The following COL25A1 variants were observed in gnomAD, a reference collection of about 807,000 sequenced individuals.
COL25A1 encodes the protein collagen type XXV alpha 1 chain, also known as collagen alpha-1(XXV) chain.
In COL25A1, 103 loss-of-function variants were observed where a neutral mutation model predicts 128.4. The ratio of observed to expected loss-of-function variants is 0.80; its 90% CI spans 0.68 to 0.94. The LOEUF is 0.94. Ranked by LOEUF, COL25A1 falls within the 40% of genes least tolerant of loss-of-function variation. The pLI, the probability that COL25A1 is intolerant of heterozygous loss-of-function variation, is 0.00. For missense variants in COL25A1, 745 were observed against 840.0 expected, an observed-to-expected ratio of 0.89 and a Z score of 1.40; for synonymous variants, 279 against 277.2, an observed-to-expected ratio of 1.01 and a Z score of -0.06.
intron 3 of COL25A1, among the ~76,000 whole-genome samples, chr4:109,116,507 G>A (rs551141970): frequency 6.6e-6 from 1 of 152,024 alleles, no homozygotes; most frequent in South Asian, 2.1e-4. Context: ...CCTAATCATA[G>A]AATTGTAGAA....
At chr4:109,127,830 G>T (rs1474746080) in intron 3 of COL25A1, among the ~76,000 whole-genome samples, 1 of 152,170 alleles carries the variant, frequency 6.6e-6, no homozygotes, top group Non-Finnish European at 1.5e-5. Flanking sequence ...AGAAAAAAGA[G>T]GAGGCACAGC....
chr4:108,827,048 T>G (rs1732475210), intron 33 of COL25A1, 87 bp downstream of exon 33: 1 of 1,118,978 alleles, frequency 8.9e-7, no homozygotes. Flanking sequence ...AACATTAGTC[T>G]GCCCCACAAG....
intron 8 of COL25A1, among the ~76,000 whole-genome samples, chr4:108,951,339 T>A (rs1749400535): frequency 6.6e-6 from 1 of 151,660 alleles, no homozygotes; most frequent in Non-Finnish European, 1.5e-5. Context: ...AGTTCCAAAA[T>A]CCAAAGTCTC....
intron 3 of COL25A1, among the ~76,000 whole-genome samples, chr4:109,277,916 A>G (rs9998062): frequency 0.13 from 19,059 of 152,114 alleles, 1,447 homozygotes; most frequent in East Asian, 0.3. Context: ...CAGGTGGATC[A>G]CCAGGTCAGG....
At chr4:109,006,981 G>T (rs931371045) in intron 6 of COL25A1, among the ~76,000 whole-genome samples, 5 of 152,060 alleles carry the variant, frequency 3.3e-5, no homozygotes, top group African/African-American at 1.2e-4. Context: ...GTGATCAGAC[G>T]ATCTGTGCTG....
At chr4:109,032,032 C>G (rs1038338473) in intron 5 of COL25A1, among the ~76,000 whole-genome samples, 1 of 152,158 alleles carries the variant, frequency 6.6e-6, no homozygotes, top group Non-Finnish European at 1.5e-5. Flanking sequence ...GCTCCTTGAA[C>G]AGCTAACACT....
At chr4:109,012,368 T>A (rs1303274858) in intron 5 of COL25A1, among the ~76,000 whole-genome samples, 6 of 152,058 alleles carry the variant, frequency 3.9e-5, no homozygotes, top group African/African-American at 1.4e-4. Context: ...GCGTTCGCTC[T>A]GGCTACGCTT....
intron 6 of COL25A1, among the ~76,000 whole-genome samples, chr4:108,996,927 A>G (rs1209003680): frequency 6.6e-6 from 1 of 152,220 alleles, no homozygotes; most frequent in East Asian, 1.9e-4. Flanking sequence ...TTTGAAACCA[A>G]TGAGAACAAA....
chr4:109,254,012 A>C (rs544173393), intron 3 of COL25A1, among the ~76,000 whole-genome samples: 34 of 151,554 alleles, frequency 2.2e-4, no homozygotes, highest in African/African-American at 7.7e-4. Flanking sequence ...GCGCGAACCC[A>C]GGAGGCAGAG....
At chr4:109,000,288 TTGAGA>T (rs1025605178) in intron 6 of COL25A1, among the ~76,000 whole-genome samples, 18 of 152,326 alleles carry the variant, frequency 1.2e-4, no homozygotes, top group African/African-American at 4.1e-4. Context: ...CCTCACACTG[TTGAGA>T]TAAGACATAA....
At chr4:108,842,005 G>A (rs1489360642) in intron 30 of COL25A1, among the ~76,000 whole-genome samples, 1 of 152,102 alleles carries the variant, frequency 6.6e-6, no homozygotes, top group East Asian at 1.9e-4. Context: ...AGGAAAAAGA[G>A]GTATTCTGAA....
chr4:109,290,775 A>G (rs1234822388), intron 3 of COL25A1, among the ~76,000 whole-genome samples: 2 of 152,100 alleles, frequency 1.3e-5, no homozygotes, highest in African/African-American at 4.8e-5. Context: ...AAAAATTGCA[A>G]AAAGACTCAT....
Position 109,301,845 on chromosome 4 carries a change from G to A in COL25A1, c.175C>T (p.Leu59Phe). ...TCGAGAGCGGCGATCCTCGCCTGGA[G>A]GTCGTTGGTTTTCACACCCAGGTAC... Reference protein sequence around the residue: ...CLYLGVKTNDLQARIAALESA... With the variant: ...CLYLGVKTNDFQARIAALESA... The change falls in exon 2 of 38, where the codon CTC (leucine) becomes TTC (phenylalanine). Residue 59 changes from leucine to phenylalanine, a missense_variant. By Grantham distance (22) the Leu-to-Phe change is conservative (BLOSUM62 0). This residue lies in a region of COL25A1 where 319 missense variants were observed against 324.9 expected (regional missense o/e 0.98). Transcript: ENST00000399132. 1.9e-6 allele frequency: 3 copies of A among 1,614,250 alleles called. No homozygotes were observed.
intron 31 of COL25A1, among the ~76,000 whole-genome samples, chr4:108,840,792 G>A (rs1013062559): frequency 5.3e-5 from 8 of 152,188 alleles, no homozygotes; most frequent in African/African-American, 1.9e-4. Context: ...GTATCACATA[G>A]CAACAATAAC....
intron 13 of COL25A1, among the ~76,000 whole-genome samples, chr4:108,901,939 A>C (rs1026035663): frequency 6.6e-6 from 1 of 152,042 alleles, no homozygotes; most frequent in African/African-American, 2.4e-5. Context: ...TTGGGCCTTT[A>C]TGCTTCCATG....
intron 5 of COL25A1, among the ~76,000 whole-genome samples, chr4:109,046,140 G>T (rs1760406035): frequency 6.6e-6 from 1 of 152,154 alleles, no homozygotes; most frequent in African/African-American, 2.4e-5. Flanking sequence ...ACCTCTATGA[G>T]CCTCAGTTTC....
intron 3 of COL25A1, among the ~76,000 whole-genome samples, chr4:109,072,809 G>A (rs1188653491): frequency 6.6e-6 from 1 of 152,152 alleles, no homozygotes; most frequent in Admixed American, 6.5e-5. Context: ...CAGCTGCCAA[G>A]CTATTCCTTG....
At chr4:109,176,580 C>T (rs1022512015) in intron 3 of COL25A1, among the ~76,000 whole-genome samples, 1 of 152,036 alleles carries the variant, frequency 6.6e-6, no homozygotes, top group South Asian at 2.1e-4. Context: ...TTAAGATAAC[C>T]TAAGGGTGGT....
chr4:108,845,556 C>G (rs370882337), intron 28 of COL25A1, among the ~76,000 whole-genome samples: 1 of 152,176 alleles, frequency 6.6e-6, no homozygotes, highest in African/African-American at 2.4e-5. Flanking sequence ...TATGGTGGTG[C>G]GCAATTTAAA....
Sources: gnomAD v4.1 joint callset for allele counts (sites outside exome capture counted in the v4.1 genomes callset) on GRCh38, gnomAD v4.1.1 for gene constraint, gnomAD v4.1.1 regional missense constraint, MANE v1.5 for transcripts, NCBI Gene and HGNC (gene_info 2026-07-23, HGNC 2026-07-21) for gene names.